CCDC88A: variants seen among roughly 807,000 people sequenced by gnomAD.
CCDC88A encodes coiled-coil and HOOK domain protein 88A.
CCDC88A carries 54 observed loss-of-function variants against 234.3 expected under a neutral mutation model. The ratio of observed to expected loss-of-function variants is 0.23; its 90% confidence interval spans 0.19 to 0.29. The LOEUF (loss-of-function observed/expected upper bound fraction) is 0.29, where lower values mean the gene tolerates loss of function less well. CCDC88A is among the 10% of genes least tolerant of loss of function. The probability of loss-of-function intolerance (pLI) is 1.00; values close to 1 mark genes in which losing one functional copy is unlikely to be tolerated. For missense variants in CCDC88A, 1,832 were observed against 2,123.4 expected, an observed-to-expected ratio of 0.86 and a Z score of 2.70; for synonymous variants, 753 against 737.8, an observed-to-expected ratio of 1.02 and a Z score of -0.33.
At chr2:55,406,462 C>T (rs1679605807) in intron 2 of CCDC88A, among the ~76,000 whole-genome samples, 2 of 152,158 alleles carry the variant, frequency 1.3e-5, no homozygotes, top group South Asian at 4.2e-4. Flanking sequence ...AGGTCTTAAT[C>T]AAGGACTAGT....
At chr2:55,398,289 C>T (rs182353338) in intron 2 of CCDC88A, among the ~76,000 whole-genome samples, 1 of 152,318 alleles carries the variant, frequency 6.6e-6, no homozygotes, top group East Asian at 1.9e-4. Flanking sequence ...AACTTCTGTT[C>T]TACATTGTAC....
chr2:55,292,336 A>G (rs1249642655), intron 31 of CCDC88A: 1 of 152,238 alleles, frequency 6.6e-6, no homozygotes, highest in African/African-American at 2.4e-5. Context: ...ATAGTTTTAC[A>G]AATAATCCTT....
chr2:55,308,692 T>G (rs13407931), intron 25 of CCDC88A, 117 bp downstream of exon 25: 52,388 of 718,776 alleles, frequency 0.073, 7,709 homozygotes, highest in African/African-American at 0.49. Context: ...TTTATGATGT[T>G]AAATTAAAAA....
intron 5 of CCDC88A, among the ~76,000 whole-genome samples, chr2:55,368,377 A>C (rs527658565): frequency 1.8e-4 from 27 of 152,290 alleles, no homozygotes; most frequent in African/African-American, 6.3e-4. Flanking sequence ...GCTTCCTCTT[A>C]AGAATTTCAT....
chr2:55,393,093 G>T (rs1043870597), intron 2 of CCDC88A, among the ~76,000 whole-genome samples: 3 of 151,570 alleles, frequency 2.0e-5, no homozygotes, highest in African/African-American at 7.3e-5. Context: ...ATATTAATTT[G>T]ATTAAAAACT....
rs142752361 is a variant in CCDC88A, at chr2:55,317,708, T to G, written c.3458A>C (p.Tyr1153Ser). ...TTCATGATCTTTGATCAGAGAATCATAGAGAGATTTTAGGTCTTCTCGCTC... is the reference window on the plus strand; with the variant it reads ...TTCATGATCTTTGATCAGAGAATCAGAGAGAGATTTTAGGTCTTCTCGCTC... ...IKEREDLKSL[Y>S]DSLIKDHEKL... is the part of the protein sequence containing the mutation. The change falls in exon 20 of 33, where the codon TAT (tyrosine) becomes TCT (serine). Residue 1153 changes from tyrosine (Y) to serine (S), a missense_variant. Transcript: ENST00000436346. This position sits in a 1 kb window ranked among gnomAD's most constrained non-coding sequence, Gnocchi z 4.2. 3 of 1,613,630 alleles carry G rather than the reference T, an allele frequency of 1.9e-6. No homozygotes were observed. The highest frequency in any genetic ancestry group is 2.2e-5 in the South Asian group (2 of 91,068).
chr2:55,359,910 A>G (rs1278085324), intron 7 of CCDC88A, among the ~76,000 whole-genome samples: 1 of 152,124 alleles, frequency 6.6e-6, no homozygotes, highest in East Asian at 1.9e-4. Flanking sequence ...ATTAAGGAAA[A>G]GAAATTAGAG....
Position 55,332,377 on chromosome 2 carries a change from C to T in CCDC88A, c.2855+189G>A, listed in dbSNP as rs966294599. On this transcript the variant is annotated intron_variant, in intron 16 of 32. Transcript: ENST00000436346. This position sits in a 1 kb window ranked among gnomAD's most constrained non-coding sequence, Gnocchi z 4.5. ...CCTCAGGTGATCCGCCCGCTTCAGC[C>T]TCCCAAAGTGCTGGGATTATAGGTG... 27 of 959,928 alleles carry T rather than the reference C, an allele frequency of 2.8e-5. No individual in the cohort carries two copies. The African/African-American group carries it at 4.3e-4, about 15-fold the overall frequency. 59.5% of individuals were successfully genotyped at this position (959,928 alleles called of 1,614,324 possible).
chr2:55,372,800 A>G (rs1217740685), intron 4 of CCDC88A, among the ~76,000 whole-genome samples: 1 of 152,204 alleles, frequency 6.6e-6, no homozygotes, highest in Non-Finnish European at 1.5e-5. Context: ...AAATGATTGT[A>G]CTACCCCAGC....
intron 2 of CCDC88A, among the ~76,000 whole-genome samples, chr2:55,412,220 A>G (rs1236298172): frequency 6.6e-6 from 1 of 152,234 alleles, no homozygotes; most frequent in Non-Finnish European, 1.5e-5. Context: ...TCTAGCCCCT[A>G]AACAGTAATA....
At position 55,330,540 on chromosome 2, in the gene CCDC88A, T is replaced by C. The variant is rs575874519; in HGVS notation, c.2855+2026A>G. On this transcript the variant is annotated intron_variant, in intron 16 of 32. Transcript: ENST00000436346. ...GGGCATCATTTGAGACTGATATACATAAATCCCAAGGTGGAGGGAATGGCA... is the reference window on the plus strand; with the variant it reads ...GGGCATCATTTGAGACTGATATACACAAATCCCAAGGTGGAGGGAATGGCA... 8.5e-5 allele frequency among the ~76,000 whole-genome samples: 13 copies of C among 152,160 alleles called. No homozygotes were observed. The South Asian group carries it at 2.5e-3, about 29-fold the overall frequency.
Position 55,401,519 on chromosome 2 carries a change from T to C in CCDC88A, c.165-12633A>G, listed in dbSNP as rs1222639018. ...GTATACATATATATATATATATATATATATATATATATATATATATTCCTT... is the reference window on the plus strand; with the variant it reads ...GTATACATATATATATATATATATACATATATATATATATATATATTCCTT... On this transcript the variant is annotated intron_variant, in intron 2 of 32. Coordinates refer to ENST00000436346, the MANE Select transcript of CCDC88A (RefSeq NM_001365480.1). Among the ~76,000 whole-genome samples, 37 of 31,232 alleles carry C rather than the reference T, an allele frequency of 1.2e-3. 2 individuals are homozygous for C. The highest frequency in any genetic ancestry group is 0.011 in the South Asian group (9 of 836). 20.5% of individuals were successfully genotyped at this position (31,232 alleles called of 152,430 possible). A position where few individuals can be genotyped will look rare whatever the true frequency, so the allele number is the denominator to read the frequency against.
At chr2:55,320,494 T>C (rs771051737) in intron 18 of CCDC88A, among the ~76,000 whole-genome samples, 12 of 152,116 alleles carry the variant, frequency 7.9e-5, no homozygotes, top group Non-Finnish European at 1.6e-4. Context: ...AAATATGATA[T>C]GAAGTAATTT....
chr2:55,338,644 G>A (rs1558695941), intron 13 of CCDC88A, among the ~76,000 whole-genome samples: 1 of 152,184 alleles, frequency 6.6e-6, no homozygotes. Context: ...CTGTCTCCAG[G>A]TCTGGGACAG....
chr2:55,357,053 G>T (rs1299687379), intron 7 of CCDC88A, among the ~76,000 whole-genome samples: 1 of 152,120 alleles, frequency 6.6e-6, no homozygotes, highest in African/African-American at 2.4e-5. Context: ...CTGCAGAATT[G>T]GACAGCACTG....
At chr2:55,294,966 C>T in intron 31 of CCDC88A, 1 of 1,194,046 alleles carries the variant, frequency 8.4e-7, no homozygotes, top group South Asian at 1.7e-5. Context: ...AAATAAAAAC[C>T]TAGCCAAATG....
chr2:55,368,518 T>C (rs1194137087), intron 5 of CCDC88A, among the ~76,000 whole-genome samples: 1 of 151,802 alleles, frequency 6.6e-6, no homozygotes, highest in Non-Finnish European at 1.5e-5. Context: ...TAAATAGAGT[T>C]TCCTTATGCT....
At chr2:55,329,153 G>C (rs918653088) in intron 16 of CCDC88A, 2 of 152,152 alleles carry the variant, frequency 1.3e-5, no homozygotes, top group Admixed American at 1.3e-4. Flanking sequence ...GTGACAGAGT[G>C]GCAAGAGGGT....
rs1451415657 is a variant in CCDC88A, at chr2:55,335,096, C to A, written c.1725G>T (p.Gln575His). 1 of 1,600,092 alleles carries A rather than the reference C, an allele frequency of 6.2e-7. No individual in the cohort carries two copies. Among genetic ancestry groups the A allele is most frequent in the Non-Finnish European group, 8.5e-7 (1 of 1,175,022 alleles). The change falls in exon 15 of 33, where the codon CAG becomes CAT. Residue 575 changes from glutamine (Q) to histidine (H), a missense_variant. Physicochemically the swap from Gln to His is conservative, Grantham distance 24. Transcript: ENST00000436346. This position sits in a 1 kb window ranked among gnomAD's most constrained non-coding sequence, Gnocchi z 4.5. Reference sequence around the variant, plus strand: ...CTTTCACTCTTGCTTCTGCACTTATCTGGGACCGCTGCCTTAAGGAAGACA... The same window carrying A: ...CTTTCACTCTTGCTTCTGCACTTATATGGGACCGCTGCCTTAAGGAAGACA... ...QTVSSLRQRS[Q>H]ISAEARVKDI... is the part of the protein sequence containing the mutation.
Sources: allele counts gnomAD v4.1 joint callset (sites outside exome capture counted in the v4.1 genomes callset), GRCh38; gene constraint gnomAD v4.1.1; non-coding constraint Gnocchi (gnomAD v3.1); transcripts MANE v1.5; gene names NCBI Gene and HGNC (gene_info 2026-07-23, HGNC 2026-07-21).